The following ANXA3 variants were observed in gnomAD, a reference collection of about 807,000 sequenced individuals.
The protein encoded by ANXA3 is 35-alpha calcimedin.
In ANXA3, 46 loss-of-function variants were observed where a neutral mutation model predicts 48.8. The ratio of observed to expected loss-of-function variants is 0.94; its 90% CI spans 0.74 to 1.21. The LOEUF (loss-of-function observed/expected upper bound fraction) is 1.21. Ranked by LOEUF, ANXA3 falls within the 50% of genes most tolerant of loss-of-function variation. ANXA3 has a pLI of 0.00. For synonymous variants in ANXA3, 128 were observed against 134.7 expected (o/e 0.95, Z 0.35); for missense variants, 383 against 378.6 (o/e 1.01, Z -0.10).
chr4:78,607,667 G>T (rs1723679280), intron 12 of ANXA3, among the ~76,000 whole-genome samples: 1 of 152,142 alleles, frequency 6.6e-6, no homozygotes, highest in South Asian at 2.1e-4. Context: ...GAGACTTGAG[G>T]TAGGTATGAA....
At chr4:78,593,803 A>ATTTT (rs60515646) in intron 7 of ANXA3, among the ~76,000 whole-genome samples, 5 of 88,742 alleles carry the variant, frequency 5.6e-5, no homozygotes, top group African/African-American at 7.4e-5. Flanking sequence ...CATTCAGCTA[A>ATTTT]TTTTTTTTTT....
intron 1 of ANXA3, among the ~76,000 whole-genome samples, chr4:78,553,119 G>A (rs1364547601): frequency 2.6e-5 from 4 of 152,166 alleles, no homozygotes; most frequent in Non-Finnish European, 5.9e-5. Context: ...GGTCAGGTGT[G>A]GGCCAGGCAG....
At chr4:78,582,474 G>T in intron 5 of ANXA3, 184 bp downstream of exon 5, 1 of 485,390 alleles carries the variant, frequency 2.1e-6, no homozygotes, top group East Asian at 3.0e-5. Flanking sequence ...ATGTTCCTGG[G>T]CTGGAAGAAT....
intron 6 of ANXA3, among the ~76,000 whole-genome samples, chr4:78,589,157 G>A (rs1050476569): frequency 1.3e-5 from 2 of 152,174 alleles, no homozygotes; most frequent in South Asian, 2.1e-4. Context: ...GGGCAGATAA[G>A]TGCAAATATT....
In ANXA3 at chr4:78,595,878, T is replaced by C. The variant is rs1320468393; in HGVS notation, c.625T>C (p.Leu209=). The change falls in exon 9 of 13, where the codon TTA becomes CTA. Residue 209 remains leucine, a synonymous_variant. Transcript: ENST00000264908. ...EILCLRSFPQ[L]KLTFDEYRNI... ...CCTGTGTTTAAGGAGCTTTCCTCAA[T>C]TAAAACTAAGTACAAACTCACATTA... The C allele has an allele frequency of 2.5e-6, 4 of 1,600,804 alleles. No individual in the cohort carries two copies. The highest frequency in any genetic ancestry group is 3.4e-6 in the Non-Finnish European group (4 of 1,168,184).
At chr4:78,601,275 A>G (rs1016078400) in intron 10 of ANXA3, among the ~76,000 whole-genome samples, 1 of 152,032 alleles carries the variant, frequency 6.6e-6, no homozygotes, top group African/African-American at 2.4e-5. Flanking sequence ...AGGTAATTTT[A>G]TTTTCCCCAT....
At chr4:78,604,486 T>C in intron 12 of ANXA3, 87 bp downstream of exon 12, 1 of 1,163,888 alleles carries the variant, frequency 8.6e-7, no homozygotes, top group South Asian at 1.8e-5. Context: ...TATAAAGATA[T>C]TTGACTTAGA....
At chr4:78,564,331 A>G (rs1249401143) in intron 2 of ANXA3, among the ~76,000 whole-genome samples, 1 of 152,226 alleles carries the variant, frequency 6.6e-6, no homozygotes, top group African/African-American at 2.4e-5. Context: ...CCCAGAATAC[A>G]ATAGGAACTT....
rs192676203 is a variant in ANXA3 at position 78,598,901 on chromosome 4, C to T, written c.730+1487C>T. 8.4e-4 allele frequency among the ~76,000 whole-genome samples: 127 copies of T among 152,054 alleles called. 4 individuals carry two copies. In the East Asian group the frequency reaches 0.01, roughly 12 times the overall value. ...TTTTCATTTGGTGTTCTTGCTAAGC[C>T]GTAATGTTTGAAAAACTTTGTTGAG... On this transcript the variant is annotated intron_variant, in intron 10 of 12. Coordinates refer to ENST00000264908, the MANE Select transcript of ANXA3 (RefSeq NM_005139.3).
chr4:78,609,919 G>A (rs537393597), intron 12 of ANXA3, 137 bp from the exon 13 acceptor site: 122 of 455,792 alleles, frequency 2.7e-4, no homozygotes, highest in African/African-American at 2.2e-3. Context: ...TGATGGAATT[G>A]CAGGTATGTT....
chr4:78,578,659 G>T (rs1398090403), intron 3 of ANXA3, among the ~76,000 whole-genome samples: 4 of 152,048 alleles, frequency 2.6e-5, no homozygotes, highest in African/African-American at 7.2e-5. Context: ...GAAATATTTT[G>T]ATATCAAGTA....
chr4:78,583,791 T>C (rs1389210378), intron 5 of ANXA3, among the ~76,000 whole-genome samples: 1 of 152,182 alleles, frequency 6.6e-6, no homozygotes, highest in Non-Finnish European at 1.5e-5. Context: ...AAGCCTTGCC[T>C]CTGGTCTTAA....
chr4:78,567,721 T>C lies in ANXA3; in HGVS notation c.16-5459T>C, dbSNP rs541006626. Among the ~76,000 whole-genome samples the C allele has an allele frequency of 3.3e-5, 5 of 152,362 alleles. No individual in the cohort carries two copies. In the South Asian group the frequency reaches 1.0e-3, roughly 32 times the overall value. On this transcript the variant is annotated intron_variant, in intron 2 of 12. Coordinates refer to ENST00000264908, the MANE Select transcript of ANXA3 (RefSeq NM_005139.3). ...AGTACAGCTTGCTAATATAAATTCT[T>C]CTAATACCATTGTCAGGCTGATAAG...
chr4:78,569,636 T>G (rs1722805075), intron 2 of ANXA3, among the ~76,000 whole-genome samples: 1 of 152,244 alleles, frequency 6.6e-6, no homozygotes, highest in African/African-American at 2.4e-5. Context: ...TCGCAGATTC[T>G]GCATCCTGGC....
chr4:78,593,168 G>T (rs1723339283), intron 7 of ANXA3, among the ~76,000 whole-genome samples: 1 of 148,152 alleles, frequency 6.7e-6, no homozygotes, highest in Admixed American at 6.8e-5. Context: ...AAACCATAGA[G>T]CCTTTAATAT....
chr4:78,598,545 T>G (rs1458135257), intron 10 of ANXA3, among the ~76,000 whole-genome samples: 2 of 128,076 alleles, frequency 1.6e-5, no homozygotes, highest in African/African-American at 1.0e-4. Flanking sequence ...TCTTTTTTTC[T>G]TTTTTTTTCT....
chr4:78,579,861 G>A (rs1426598290), intron 4 of ANXA3, among the ~76,000 whole-genome samples: 3 of 152,152 alleles, frequency 2.0e-5, no homozygotes, highest in South Asian at 2.1e-4. Context: ...GCTTGAACCC[G>A]GGAGGCGGAG....
chr4:78,556,208 G>A (rs1722508475), intron 2 of ANXA3, among the ~76,000 whole-genome samples: 1 of 152,106 alleles, frequency 6.6e-6, no homozygotes, highest in Non-Finnish European at 1.5e-5. Flanking sequence ...CATCGATAGG[G>A]TAGGAATAAG....
In ANXA3 at chr4:78,601,560, G is replaced by T. The variant is rs754163708; in HGVS notation, c.781G>T (p.Ala261Ser). 2 of 1,613,868 alleles carry T rather than the reference G, an allele frequency of 1.2e-6. No individual in the cohort carries two copies. The highest frequency in any genetic ancestry group is 1.7e-6 in the Non-Finnish European group (2 of 1,179,810). ...PAFLAERLHRALKGIGTDEFT... is the reference protein window; with the variant it reads ...PAFLAERLHRSLKGIGTDEFT... ...CTTTTTAGCCGAAAGACTGCATCGA[G>T]CCTTGAAGGTTGGTCTGGAAAGTTC... Residue 261 changes from alanine to serine, a missense_variant, in exon 11 of 13, where the codon GCC becomes TCC. By Grantham distance (99) the Ala-to-Ser change is moderately conservative (BLOSUM62 1). Coordinates refer to ENST00000264908, the MANE Select transcript of ANXA3 (RefSeq NM_005139.3).
Sources: gnomAD v4.1 joint callset for allele counts (sites outside exome capture counted in the v4.1 genomes callset) on GRCh38, gnomAD v4.1.1 for gene constraint, MANE v1.5 for transcripts, NCBI Gene and HGNC (gene_info 2026-07-23, HGNC 2026-07-21) for gene names.